MDN1: variants seen among roughly 807,000 people sequenced by gnomAD.
MDN1 encodes midasin AAA ATPase 1, also known as midasin.
Under a neutral mutation model 669.2 loss-of-function variants are expected in MDN1, and 266 were observed. That is an observed-to-expected ratio of 0.40 (90% CI 0.36 to 0.44). The LOEUF (loss-of-function observed/expected upper bound fraction) is 0.44, where lower values mean the gene tolerates loss of function less well. Among genes scored for constraint, MDN1 ranks in the 20% least tolerant of loss-of-function variants. The pLI, the probability that MDN1 is intolerant of heterozygous loss-of-function variation, is 1.00. For missense variants in MDN1, 5,940 were observed against 6,754.0 expected, an observed-to-expected ratio of 0.88 and a Z score of 4.22; for synonymous variants, 2,385 against 2,457.1, an observed-to-expected ratio of 0.97 and a Z score of 0.87.
intron 74 of MDN1, among the ~76,000 whole-genome samples, chr6:89,679,192 A>C (rs1811438064): frequency 6.6e-6 from 1 of 152,224 alleles, no homozygotes; most frequent in Non-Finnish European, 1.5e-5. Flanking sequence ...CATGTGCACA[A>C]CTTCAGAAGC....
Position 89,674,000 on chromosome 6 carries a change from AGCT to A in MDN1, c.13247+101_13247+103del, listed in dbSNP as rs930375205. 10 of 1,457,236 alleles carry A rather than the reference AGCT, an allele frequency of 6.9e-6. No individual in the cohort carries two copies. The African/African-American group carries it at 1.1e-4, about 17-fold the overall frequency. 90.3% of individuals were successfully genotyped at this position (1,457,236 alleles called of 1,614,324 possible). On this transcript the variant is annotated intron_variant, in intron 79 of 101. Transcript: ENST00000369393. ...TCCCTAGGTTCCAGGGCTGTCTAAA[AGCT>A]GCTGCTTTCTGTTCACACCCTTCCC...
Position 89,791,552 on chromosome 6 carries a change from T to C in MDN1, c.856-1151A>G, listed in dbSNP as rs555411865. Reference sequence around the variant, plus strand: ...TGAATACCCAGGTCTATCAGGTCCATGGGTATTCACTATACCATTCTTTCT... The same window carrying C: ...TGAATACCCAGGTCTATCAGGTCCACGGGTATTCACTATACCATTCTTTCT... On this transcript the variant is annotated intron_variant, in intron 5 of 101. Coordinates refer to ENST00000369393, the MANE Select transcript of MDN1 (RefSeq NM_014611.3). Among the ~76,000 whole-genome samples, 68 of 152,334 alleles carry C rather than the reference T, an allele frequency of 4.5e-4. 1 individual carries two copies. The highest frequency in any genetic ancestry group is 1.6e-3 in the African/African-American group (67 of 41,574).
At chr6:89,758,061 A>G (rs527472919) in intron 19 of MDN1, among the ~76,000 whole-genome samples, 194 bp downstream of exon 19, 1 of 151,864 alleles carries the variant, frequency 6.6e-6, no homozygotes, top group South Asian at 2.1e-4. Context: ...AAAAAAATAA[A>G]AAAATAGCTG....
rs200833002 is a variant in MDN1, at chr6:89,781,569, G to A, written c.1473C>T (p.Ser491=). 2 of 1,608,216 alleles carry A rather than the reference G, an allele frequency of 1.2e-6. No individual in the cohort carries two copies. The highest frequency in any genetic ancestry group is 8.5e-7 in the Non-Finnish European group (1 of 1,176,202). Residue 491 remains serine, a synonymous_variant, in exon 10 of 102, where the codon AGC becomes AGT. Transcript: ENST00000369393. ...LNEVLQSRYP[S]LLAVVDHLLD... ...GCAGGTGATCAACCACTGCCAATAG[G>A]CTAGGATATCTGCTCTGAAGAACCT...
intron 8 of MDN1, among the ~76,000 whole-genome samples, chr6:89,785,923 CAGG>C (rs1562217428): frequency 1.3e-5 from 2 of 152,024 alleles, no homozygotes; most frequent in Non-Finnish European, 2.9e-5. Flanking sequence ...CGCTTGAGCC[CAGG>C]AGTTCAAGAC....
chr6:89,733,875 T>C (rs182993332), intron 33 of MDN1, among the ~76,000 whole-genome samples: 24 of 152,108 alleles, frequency 1.6e-4, no homozygotes, highest in African/African-American at 5.8e-4. Flanking sequence ...TAGGTTCACA[T>C]ATGTATTTTT....
chr6:89,708,501 T>G lies in MDN1; in HGVS notation c.7893A>C (p.Ala2631=). ...DQLFALLESA[A]NKTIIYLDRE... is the part of the protein sequence containing the mutation. The stretch of plus-strand genomic sequence containing the variant: ...GAGCAGCAGGTTTCACTTACTTGTT[T>G]GCAGCTGATTCTAAAAGGGCAAAGA... The change falls in exon 51 of 102, where the codon GCA becomes GCC. Residue 2631 remains alanine, a synonymous_variant. Transcript: ENST00000369393. The G allele has an allele frequency of 6.2e-7, 1 of 1,613,976 alleles. No individual in the cohort carries two copies. The highest frequency in any genetic ancestry group is 1.1e-5 in the South Asian group (1 of 91,016).
At chr6:89,734,690 CAAGAGAGAGAGA>C (rs1815826405) in intron 33 of MDN1, among the ~76,000 whole-genome samples, 37 of 112,870 alleles carry the variant, frequency 3.3e-4, no homozygotes, top group Middle Eastern at 5.7e-3. Flanking sequence ...AAAAAAAAAA[CAAGAGAGAGAGA>C]GAGAGAGAGA....
intron 19 of MDN1, among the ~76,000 whole-genome samples, chr6:89,756,650 C>T (rs957928814): frequency 3.9e-5 from 6 of 152,136 alleles, no homozygotes; most frequent in Admixed American, 2.6e-4. Flanking sequence ...AAGCCGGGTG[C>T]GGTGGCTCAC....
At position 89,712,178 on chromosome 6, in the gene MDN1, G is replaced by A. The variant is rs866165647; in HGVS notation, c.7509C>T (p.Val2503=). The A allele has an allele frequency of 3.7e-6, 6 of 1,614,050 alleles. No individual in the cohort carries two copies. Among genetic ancestry groups the A allele is most frequent in the South Asian group, 1.1e-5 (1 of 91,068 alleles). ...CATCGATCCAGTAAGTATTCACTTC[G>A]ACTGCATTGAATTTCAGGTTCTCAG... ...PSPENLKFNA[V]EVNTYWIDEP... Residue 2503 remains valine (V), a synonymous_variant, in exon 49 of 102, where the codon GTC becomes GTT. Transcript: ENST00000369393.
chr6:89,753,522 A>T lies in MDN1; in HGVS notation c.3065T>A (p.Leu1022Gln). 6.2e-7 allele frequency: 1 copy of T among 1,608,644 alleles called. No homozygotes were observed. The highest frequency in any genetic ancestry group is 8.5e-7 in the Non-Finnish European group (1 of 1,175,280). The part of the protein sequence containing the change: ...QHIVPGNVKS[L>Q]LKQPIPEPKG... ...AACAAAAGAACATACCTGCTTCAGC[A>T]GACTCTTGACATTGCCAGGGACAAT... is the stretch of plus-strand genomic sequence containing the variant. The change falls in exon 22 of 102, where the codon CTG becomes CAG. Residue 1022 changes from leucine to glutamine, a missense_variant. Leu to Gln is a moderately radical substitution (Grantham distance 113, BLOSUM62 -2). Coordinates refer to ENST00000369393, the MANE Select transcript of MDN1 (RefSeq NM_014611.3).
chr6:89,776,675 T>C lies in MDN1; in HGVS notation c.1746A>G (p.Ala582=), dbSNP rs370668116. The change falls in exon 12 of 102, where the codon GCA becomes GCG. Residue 582 remains alanine, a synonymous_variant. Transcript: ENST00000369393. ...IFQEALDCFT[A]MLSEHTSKLK... is the part of the protein sequence containing the mutation. ...GTTTGCTTGTATGCTCAGAAAGCAT[T>C]GCTGTGAAACAGTCTAGAGCCTATT... 1.2e-6 allele frequency: 2 copies of C among 1,611,998 alleles called. No homozygotes were observed. The highest frequency in any genetic ancestry group is 8.5e-7 in the Non-Finnish European group (1 of 1,178,538).
At position 89,762,001 on chromosome 6, in the gene MDN1, T is replaced by C. The variant is rs111339183; in HGVS notation, c.2357-253A>G. On this transcript the variant is annotated intron_variant, in intron 16 of 101. Transcript: ENST00000369393. ...TGGACTAGTTATTTTTATTCCTGCT[T>C]TACAGATAAGGAACCACACAGAAGT... 2.2e-4 allele frequency among the ~76,000 whole-genome samples: 33 copies of C among 152,290 alleles called. 1 individual carries two copies. The highest frequency in any genetic ancestry group is 7.7e-4 in the African/African-American group (32 of 41,568).
chr6:89,765,873 CACAT>C (rs1444657870), intron 15 of MDN1, among the ~76,000 whole-genome samples: 2 of 152,286 alleles, frequency 1.3e-5, no homozygotes, highest in East Asian at 3.9e-4. Flanking sequence ...CAGTGCCTGG[CACAT>C]AATGACTGCC....
chr6:89,753,767 G>C (rs1817085678), intron 21 of MDN1, 145 bp from the exon 22 acceptor site: 3 of 717,446 alleles, frequency 4.2e-6, no homozygotes, highest in East Asian at 2.7e-5. Context: ...GGGAAGGGTA[G>C]GCCAGGCACG....
intron 45 of MDN1, among the ~76,000 whole-genome samples, 160 bp from the exon 46 acceptor site, chr6:89,714,911 G>T (rs1814223494): frequency 6.6e-6 from 1 of 152,186 alleles, no homozygotes; most frequent in African/African-American, 2.4e-5. Context: ...TATAGCAAAA[G>T]ATTTTCTCTA....
chr6:89,792,510 G>C lies in MDN1; in HGVS notation c.855+1252C>G, dbSNP rs1287316241. Among the ~76,000 whole-genome samples the C allele has an allele frequency of 3.3e-5, 5 of 151,982 alleles. No individual in the cohort carries two copies. In the South Asian group the frequency reaches 6.2e-4, roughly 19 times the overall value. On this transcript the variant is annotated intron_variant, in intron 5 of 101. Transcript: ENST00000369393. ...GGGATACTGGTTACAGGATACGTGG[G>C]GGGTAAAGAGGGAGGAGGGAAGGGG... is the stretch of plus-strand genomic sequence containing the variant.
At chr6:89,801,329 G>T (rs1767642754) in intron 2 of MDN1, among the ~76,000 whole-genome samples, 1 of 152,178 alleles carries the variant, frequency 6.6e-6, no homozygotes, top group African/African-American at 2.4e-5. Flanking sequence ...TTCAAGACTG[G>T]CCTGGACAGC....
At chr6:89,805,747 G>C (rs1015920941) in intron 1 of MDN1, among the ~76,000 whole-genome samples, 1 of 152,128 alleles carries the variant, frequency 6.6e-6, no homozygotes, top group Non-Finnish European at 1.5e-5. Flanking sequence ...TCTGATCAAA[G>C]CACTGATTAG....
Sources: allele counts gnomAD v4.1 joint callset (sites outside exome capture counted in the v4.1 genomes callset), GRCh38; gene constraint gnomAD v4.1.1; transcripts MANE v1.5; gene names NCBI Gene and HGNC (gene_info 2026-07-23, HGNC 2026-07-21).